The following PRKAR1A variants were observed in gnomAD, a reference collection of about 807,000 sequenced individuals.
PRKAR1A encodes the protein cAMP-dependent protein kinase type I-alpha regulatory subunit.
A neutral mutation model predicts 52.0 loss-of-function variants in PRKAR1A; 3 were observed. That is an observed-to-expected ratio of 0.06 (90% CI 0.03 to 0.15). The LOEUF is 0.15. Among genes scored for constraint, PRKAR1A ranks in the 10% least tolerant of loss-of-function variants. The pLI is 1.00. For missense variants in PRKAR1A, 240 were observed against 477.4 expected, an observed-to-expected ratio of 0.50 and a Z score of 4.63; for synonymous variants, 188 against 168.4, an observed-to-expected ratio of 1.12 and a Z score of -0.90.
the PRKAR1A span, among the ~76,000 whole-genome samples, chr17:68,474,261 T>C: frequency 6.6e-6 from 1 of 152,226 alleles, no homozygotes; most frequent in South Asian, 2.1e-4. Flanking sequence ...TCAACTCTGC[T>C]TTTCCCTGGG....
At chr17:68,540,372 C>A (rs572336051) in intron 11 of PRKAR1A, among the ~76,000 whole-genome samples, 9 of 152,312 alleles carry the variant, frequency 5.9e-5, no homozygotes, top group African/African-American at 1.9e-4. Context: ...CGATGATGAG[C>A]CAGCTGTCTG....
At chr17:68,469,138 T>A in the PRKAR1A span, among the ~76,000 whole-genome samples, 1 of 151,886 alleles carries the variant, frequency 6.6e-6, no homozygotes, top group African/African-American at 2.4e-5. Flanking sequence ...GTCATTTTTT[T>A]AAAAAAAGAG....
rs184912071 is a variant in PRKAR1A, at chr17:68,529,107, T to C, written c.891+116T>C. 1.2e-5 allele frequency: 15 copies of C among 1,284,310 alleles called. No homozygotes were observed. The East Asian group carries it at 3.5e-4, about 30-fold the overall frequency. 79.6% of individuals were successfully genotyped at this position (1,284,310 alleles called of 1,614,324 possible). A position where few individuals can be genotyped will look rare whatever the true frequency, so the allele number is the denominator to read the frequency against. On this transcript the variant is annotated intron_variant, in intron 9 of 10. Transcript: ENST00000589228. Reference sequence around the variant, plus strand: ...AGTGGGCTAATTCTGAACTATAGCTTTAGTTTTTAAGAATACCTGACCATT... The same window carrying C: ...AGTGGGCTAATTCTGAACTATAGCTCTAGTTTTTAAGAATACCTGACCATT...
chr17:68,516,579 T>G (rs1251392095), intron 2 of PRKAR1A, among the ~76,000 whole-genome samples: 1 of 152,160 alleles, frequency 6.6e-6, no homozygotes, highest in African/African-American at 2.4e-5. Context: ...CATTGGTTTT[T>G]ATAGTTTCTT....
At chr17:68,542,892 T>A in intron 11 of PRKAR1A, 1 of 1,066,038 alleles carries the variant, frequency 9.4e-7, no homozygotes, top group East Asian at 2.4e-5. Context: ...CAGTGCACAT[T>A]AGGAATTGGC....
At chr17:68,427,995 A>AT in the PRKAR1A span, among the ~76,000 whole-genome samples, 4 of 151,674 alleles carry the variant, frequency 2.6e-5, no homozygotes, top group African/African-American at 4.8e-5. Flanking sequence ...GGCTCAGGTG[A>AT]TCCCCCCACC....
chr17:68,530,189 A>G, intron 10 of PRKAR1A, 88 bp from the exon 11 acceptor site: 1 of 1,543,564 alleles, frequency 6.5e-7, no homozygotes, highest in Non-Finnish European at 9.0e-7. Flanking sequence ...ATTGTCTCAT[A>G]TCTATTGTCT....
intron 8 of PRKAR1A, 165 bp from the exon 9 acceptor site, chr17:68,528,705 C>T: frequency 2.3e-6 from 2 of 875,218 alleles, no homozygotes; most frequent in Non-Finnish European, 3.6e-6. Context: ...TATGAGAATC[C>T]TGCTCAGACT....
chr17:68,460,845 G>C, the PRKAR1A span, among the ~76,000 whole-genome samples: 2 of 152,196 alleles, frequency 1.3e-5, no homozygotes, highest in African/African-American at 4.8e-5. Context: ...ACTTTGAAGA[G>C]CTCCACCCTC....
intron 11 of PRKAR1A, chr17:68,539,752 C>T (rs1183192915): frequency 2.6e-5 from 21 of 812,714 alleles, no homozygotes; most frequent in African/African-American, 5.1e-5. Flanking sequence ...TGGAAGAAGC[C>T]GGGCTCGAAG....
At chr17:68,445,986 C>T in the PRKAR1A span, among the ~76,000 whole-genome samples, 30 of 152,150 alleles carry the variant, frequency 2.0e-4, no homozygotes. Flanking sequence ...TCAAGAACCA[C>T]TGGTCTCAGC....
At chr17:68,514,247 C>T (rs1214083023) in intron 1 of PRKAR1A, among the ~76,000 whole-genome samples, 1 of 152,116 alleles carries the variant, frequency 6.6e-6, no homozygotes, top group African/African-American at 2.4e-5. Flanking sequence ...TAGAATAGCT[C>T]TTTACTCTGT....
At chr17:68,438,373 A>C in the PRKAR1A span, among the ~76,000 whole-genome samples, 3 of 152,200 alleles carry the variant, frequency 2.0e-5, no homozygotes, top group Non-Finnish European at 2.9e-5. Flanking sequence ...TTGCTATCCA[A>C]ATGAAATTTC....
intron 2 of PRKAR1A, among the ~76,000 whole-genome samples, chr17:68,518,887 TTCTC>T (rs1246077794): frequency 2.0e-5 from 3 of 152,208 alleles, no homozygotes; most frequent in Non-Finnish European, 4.4e-5. Flanking sequence ...CCTAAATCAT[TTCTC>T]TCAAGTTCAA....
the PRKAR1A span, among the ~76,000 whole-genome samples, chr17:68,446,222 C>G: frequency 2.0e-5 from 3 of 151,890 alleles, no homozygotes; most frequent in Admixed American, 2.0e-4. Flanking sequence ...GTTCTGTCAC[C>G]CAGGCTGCAG....
At chr17:68,427,350 C>T in the PRKAR1A span, 2 of 899,998 alleles carry the variant, frequency 2.2e-6, no homozygotes, top group East Asian at 2.5e-5. Context: ...CTGTGCTCAG[C>T]TCTGTGGGTT....
the PRKAR1A span, among the ~76,000 whole-genome samples, chr17:68,470,478 T>G: frequency 1.3e-5 from 2 of 152,354 alleles, no homozygotes; most frequent in Admixed American, 1.3e-4. Context: ...GAACCAAAGA[T>G]TGATATTAGT....
the PRKAR1A span, among the ~76,000 whole-genome samples, chr17:68,506,430 G>A: frequency 0.023 from 2,709 of 119,798 alleles, 104 homozygotes; most frequent in African/African-American, 0.08. Context: ...CCCATAATTT[G>A]GCCATTTTAT....
chr17:68,534,777 A>G (rs192490049), downstream of PRKAR1A, among the ~76,000 whole-genome samples: 1 of 152,170 alleles, frequency 6.6e-6, no homozygotes, highest in South Asian at 2.1e-4. Flanking sequence ...ATCAGTATAT[A>G]TTAAATAAAG....
Sources: allele counts gnomAD v4.1 joint callset (sites outside exome capture counted in the v4.1 genomes callset), GRCh38; gene constraint gnomAD v4.1.1; transcripts MANE v1.5; gene names NCBI Gene and HGNC (gene_info 2026-07-23, HGNC 2026-07-21).